ABR: variants seen among roughly 807,000 people sequenced by gnomAD.
ABR encodes ABR activator of RhoGEF and GTPase.
In ABR, 35 loss-of-function variants were observed where a neutral mutation model predicts 107.2. The ratio of observed to expected loss-of-function variants is 0.33; its 90% confidence interval spans 0.25 to 0.43. The LOEUF (loss-of-function observed/expected upper bound fraction) is 0.43, where lower values mean the gene tolerates loss of function less well. ABR is among the 20% of genes least tolerant of loss of function. The probability of loss-of-function intolerance (pLI) is 1.00; values close to 1 mark genes in which losing one functional copy is unlikely to be tolerated. For missense variants in ABR, 815 were observed against 1,115.2 expected (o/e 0.73, Z 3.83); for synonymous variants, 498 against 462.0 (o/e 1.08, Z -1.00).
chr17:1,134,389 G>T (rs909828265), intron 1 of ABR, among the ~76,000 whole-genome samples: 10 of 151,426 alleles, frequency 6.6e-5, no homozygotes, highest in African/African-American at 2.4e-4. Context: ...TCCAGCCGGG[G>T]CAACAGAGCA....
In ABR at chr17:1,018,135, C is replaced by T. The variant is rs1019512777; in HGVS notation, c.1792-4971G>A. On this transcript the variant is annotated intron_variant, in intron 16 of 22. Transcript: ENST00000302538. Reference sequence around the variant, plus strand: ...CTGGCTCACTGCAAGCTCCGCCTCCCGGGTTCACGCCATTCTCCTGCCTCA... The same window carrying T: ...CTGGCTCACTGCAAGCTCCGCCTCCTGGGTTCACGCCATTCTCCTGCCTCA... 3.9e-5 allele frequency among the ~76,000 whole-genome samples: 6 copies of T among 152,152 alleles called. 1 individual carries two copies. The highest frequency in any genetic ancestry group is 2.0e-4 in the Admixed American group (3 of 15,288).
chr17:1,007,811 C>CT (rs2070181397), intron 21 of ABR, among the ~76,000 whole-genome samples: 1 of 152,250 alleles, frequency 6.6e-6, no homozygotes, highest in South Asian at 2.1e-4. Flanking sequence ...ACCTACCGCT[C>CT]TGTTGCTTTC....
At chr17:1,159,172 T>G (rs2041158912) in intron 1 of ABR, among the ~76,000 whole-genome samples, 2 of 152,208 alleles carry the variant, frequency 1.3e-5, no homozygotes, top group African/African-American at 2.4e-5. Context: ...CCAAGAGAAG[T>G]AGGAATGCAG....
intron 1 of ABR, among the ~76,000 whole-genome samples, chr17:1,211,779 T>C (rs9893026): frequency 0.96 from 146,516 of 152,266 alleles, 70,755 homozygotes; most frequent in East Asian, 1. Flanking sequence ...GTGGGAACAA[T>C]ATGTAAATTA....
chr17:1,076,937 C>G (rs989906432), intron 6 of ABR, among the ~76,000 whole-genome samples: 1 of 152,224 alleles, frequency 6.6e-6, no homozygotes, highest in African/African-American at 2.4e-5. Flanking sequence ...TCCCTCTCCA[C>G]TGACACTGAC....
At chr17:1,153,868 A>C in intron 1 of ABR, 1 of 206,720 alleles carries the variant, frequency 4.8e-6, no homozygotes, top group South Asian at 5.7e-5. Context: ...TCACATGGTG[A>C]GAAAACCTCG....
intron 16 of ABR, among the ~76,000 whole-genome samples, chr17:1,047,813 C>A (rs550709850): frequency 2.0e-5 from 3 of 152,238 alleles, no homozygotes; most frequent in South Asian, 4.2e-4. Context: ...GTGTTTCCCC[C>A]GGGGCTTGTG....
chr17:1,069,793 C>T (rs1415882491), intron 9 of ABR, among the ~76,000 whole-genome samples, 176 bp downstream of exon 9: 2 of 130,266 alleles, frequency 1.5e-5, no homozygotes, highest in Non-Finnish European at 3.3e-5. Flanking sequence ...CCCCCTCCCC[C>T]GCCCCTGGAC....
intron 8 of ABR, among the ~76,000 whole-genome samples, chr17:1,072,297 G>A (rs1161394092): frequency 2.0e-5 from 3 of 152,196 alleles, no homozygotes; most frequent in Admixed American, 6.5e-5. Context: ...ACCAAGGGCT[G>A]AAAACCTCTC....
At chr17:1,152,282 CAAAAAA>C (rs782238294) in intron 1 of ABR, among the ~76,000 whole-genome samples, 2 of 126,966 alleles carry the variant, frequency 1.6e-5, no homozygotes, top group Non-Finnish European at 1.7e-5. Flanking sequence ...GACTCTGTCT[CAAAAAA>C]AAAAAAAAAA....
intron 1 of ABR, among the ~76,000 whole-genome samples, chr17:1,149,007 T>G (rs2040679581): frequency 6.6e-6 from 1 of 150,652 alleles, no homozygotes; most frequent in Non-Finnish European, 1.5e-5. Flanking sequence ...GTTCACGCCA[T>G]TCTCCTGCCT....
At chr17:1,091,939 C>T (rs975979882) in intron 3 of ABR, 89 bp from the exon 4 acceptor site, 10 of 1,367,060 alleles carry the variant, frequency 7.3e-6, no homozygotes, top group Admixed American at 2.1e-5. Flanking sequence ...TAGCCCTTCC[C>T]GCTGCCCAAG....
intron 2 of ABR, among the ~76,000 whole-genome samples, chr17:1,121,003 A>G (rs1392141838): frequency 6.6e-6 from 1 of 152,218 alleles, no homozygotes; most frequent in African/African-American, 2.4e-5. Context: ...TTGTCAGCTG[A>G]GATGAGTCCT....
At chr17:1,023,152 C>A (rs12946686) in intron 16 of ABR, among the ~76,000 whole-genome samples, 217 of 142,110 alleles carry the variant, frequency 1.5e-3, no homozygotes, top group African/African-American at 5.9e-3. Context: ...TCCACTCCAG[C>A]GCCTCTGCCG....
intron 1 of ABR, among the ~76,000 whole-genome samples, chr17:1,197,922 C>A (rs2042599834): frequency 6.6e-6 from 1 of 151,738 alleles, no homozygotes; most frequent in Non-Finnish European, 1.5e-5. Context: ...ATACACCCTG[C>A]TGACTGTCAG....
chr17:1,223,304 A>AACACACAAACACACAC (rs2043152688), intron 1 of ABR, among the ~76,000 whole-genome samples: 1 of 149,158 alleles, frequency 6.7e-6, no homozygotes, highest in Non-Finnish European at 1.5e-5. Context: ...AATCAGTAAC[A>AACACACAAACACACAC]ACACACACAC....
intron 2 of ABR, among the ~76,000 whole-genome samples, chr17:1,101,945 G>T (rs34035029): frequency 8.6e-5 from 13 of 152,014 alleles, no homozygotes; most frequent in African/African-American, 2.9e-4. Flanking sequence ...GTGTTAGCCA[G>T]GATGGTCTCG....
At chr17:1,146,827 A>C in intron 1 of ABR, among the ~76,000 whole-genome samples, 1 of 131,880 alleles carries the variant, frequency 7.6e-6, no homozygotes, top group African/African-American at 2.8e-5. Flanking sequence ...CCACTGCCAC[A>C]CGACACCACT....
chr17:1,035,177 G>A (rs74732586), intron 16 of ABR, among the ~76,000 whole-genome samples: 1 of 151,722 alleles, frequency 6.6e-6, no homozygotes, highest in Non-Finnish European at 1.5e-5. Flanking sequence ...AAGAAGATCT[G>A]TGCAAGACAG....
Sources: gnomAD v4.1 joint callset for allele counts (sites outside exome capture counted in the v4.1 genomes callset) on GRCh38, gnomAD v4.1.1 for gene constraint, MANE v1.5 for transcripts, NCBI Gene and HGNC (gene_info 2026-07-23, HGNC 2026-07-21) for gene names.